The following AKAP10 variants were observed in gnomAD, a reference collection of about 807,000 sequenced individuals.
AKAP10 encodes the protein A-kinase anchoring protein 10, also known as A-kinase anchor protein 10, mitochondrial.
Under a neutral mutation model 80.8 loss-of-function variants are expected in AKAP10, and 24 were observed. The ratio of observed to expected loss-of-function variants is 0.30; its 90% CI spans 0.22 to 0.42. The LOEUF is 0.42. Among genes scored for constraint, AKAP10 ranks in the 10% least tolerant of loss-of-function variants. The pLI, the probability that AKAP10 is intolerant of heterozygous loss-of-function variation, is 1.00. For missense variants in AKAP10, 661 were observed against 794.9 expected (o/e 0.83, Z 2.03); for synonymous variants, 291 against 277.7 (o/e 1.05, Z -0.48).
chr17:19,939,909 C>A, intron 7 of AKAP10, 60 bp from the exon 8 acceptor site: 4 of 1,536,738 alleles, frequency 2.6e-6, no homozygotes, highest in Non-Finnish European at 3.5e-6. Flanking sequence ...CTCACAATCT[C>A]TAATCTATAA....
chr17:19,926,325 G>A (rs1003259790), intron 10 of AKAP10, among the ~76,000 whole-genome samples: 4 of 148,968 alleles, frequency 2.7e-5, no homozygotes, highest in African/African-American at 9.8e-5. Context: ...GGAAATTCCT[G>A]AATCTGAAAA....
At chr17:19,924,090 T>TA (rs2042848145) in intron 11 of AKAP10, among the ~76,000 whole-genome samples, 1 of 152,224 alleles carries the variant, frequency 6.6e-6, no homozygotes. Context: ...CTCAAAGGAA[T>TA]ACTTTTTCCA....
intron 4 of AKAP10, among the ~76,000 whole-genome samples, chr17:19,955,538 A>T (rs2043265730): frequency 6.6e-6 from 1 of 152,240 alleles, no homozygotes; most frequent in Admixed American, 6.5e-5. Flanking sequence ...TAAAGCAAAG[A>T]CAGTTTCTAA....
At chr17:19,948,472 C>T (rs1179895942) in intron 4 of AKAP10, among the ~76,000 whole-genome samples, 1 of 152,078 alleles carries the variant, frequency 6.6e-6, no homozygotes, top group Admixed American at 6.6e-5. Context: ...GACTCCCAGG[C>T]AGCATCAGAG....
intron 14 of AKAP10, among the ~76,000 whole-genome samples, chr17:19,907,640 G>A (rs1191283680): frequency 6.6e-6 from 1 of 151,868 alleles, no homozygotes; most frequent in Non-Finnish European, 1.5e-5. Flanking sequence ...AGCTGGTCTT[G>A]AACTCCTACC....
chr17:19,922,795 G>A (rs1215922990), intron 11 of AKAP10, among the ~76,000 whole-genome samples: 1 of 152,182 alleles, frequency 6.6e-6, no homozygotes, highest in Non-Finnish European at 1.5e-5. Flanking sequence ...AGCTACTTGG[G>A]AGGATGAGGC....
intron 4 of AKAP10, among the ~76,000 whole-genome samples, chr17:19,955,787 A>C (rs2043268546): frequency 6.6e-6 from 1 of 152,124 alleles, no homozygotes; most frequent in African/African-American, 2.4e-5. Flanking sequence ...GTGAGCTGAG[A>C]GTACGTCATT....
chr17:19,922,028 G>T (rs1461818872), intron 11 of AKAP10, among the ~76,000 whole-genome samples: 2 of 152,154 alleles, frequency 1.3e-5, no homozygotes, highest in Non-Finnish European at 2.9e-5. Flanking sequence ...CATACCATAA[G>T]AATGATTACT....
chr17:19,909,780 C>T, intron 13 of AKAP10, 146 bp downstream of exon 13: 1 of 671,428 alleles, frequency 1.5e-6, no homozygotes, highest in Non-Finnish European at 2.5e-6. Context: ...AGGGACCACC[C>T]TTTCTTGGTA....
chr17:19,914,744 TA>T (rs1176502588), intron 12 of AKAP10, among the ~76,000 whole-genome samples: 2 of 150,796 alleles, frequency 1.3e-5, no homozygotes, highest in African/African-American at 4.9e-5. Flanking sequence ...TCTGAAGAGA[TA>T]ATATTGAGAT....
intron 9 of AKAP10, 22 bp from the exon 10 acceptor site, chr17:19,932,000 ATTTT>A (rs2042939451): frequency 8.8e-6 from 14 of 1,588,746 alleles, no homozygotes; most frequent in Non-Finnish European, 1.1e-5. Flanking sequence ...GAAAAGCATT[ATTTT>A]AAAGTTGAAA....
At chr17:19,908,063 C>A (rs1052619461) in intron 14 of AKAP10, among the ~76,000 whole-genome samples, 1 of 151,636 alleles carries the variant, frequency 6.6e-6, no homozygotes, top group African/African-American at 2.4e-5. Flanking sequence ...CGGGGTTGCA[C>A]CATGTTAGCC....
intron 4 of AKAP10, among the ~76,000 whole-genome samples, chr17:19,949,396 A>G (rs999705378): frequency 1.2e-4 from 18 of 152,158 alleles, no homozygotes; most frequent in African/African-American, 4.3e-4. Context: ...AGCCTCAGGA[A>G]CCTGCCAAAC....
chr17:19,927,991 AG>A (rs2042892711), intron 10 of AKAP10, among the ~76,000 whole-genome samples: 1 of 152,032 alleles, frequency 6.6e-6, no homozygotes, highest in Admixed American at 6.6e-5. Context: ...AAGCCTAGGC[AG>A]GCAGATCACC....
chr17:19,920,315 C>T (rs956469658), intron 11 of AKAP10, among the ~76,000 whole-genome samples, 197 bp from the exon 12 acceptor site: 3 of 152,106 alleles, frequency 2.0e-5, no homozygotes, highest in Non-Finnish European at 1.5e-5. Flanking sequence ...TAATTGAGTG[C>T]AATTCCATTC....
intron 4 of AKAP10, among the ~76,000 whole-genome samples, chr17:19,950,041 G>A (rs559317520): frequency 2.0e-5 from 3 of 152,142 alleles, no homozygotes; most frequent in East Asian, 3.9e-4. Flanking sequence ...GGTGGCTCAC[G>A]CCTGTAATCC....
chr17:19,975,635 G>C (rs11651339), intron 1 of AKAP10, among the ~76,000 whole-genome samples: 3 of 152,138 alleles, frequency 2.0e-5, no homozygotes, highest in Non-Finnish European at 2.9e-5. Context: ...TACATGGAGC[G>C]AAAGGGAGAA....
rs1193395696 is a variant in AKAP10, at chr17:19,939,002, G to A, written c.1322+711C>T. Among the ~76,000 whole-genome samples, 4 of 152,266 alleles carry A rather than the reference G, an allele frequency of 2.6e-5. No homozygotes were observed. The East Asian group carries it at 7.7e-4, about 29-fold the overall frequency. ...CTGCCTCTGCCTCTCAAAGTGTTGT[G>A]ATTACAGGAGTGAGCCACCGTGCCC... On this transcript the variant is annotated intron_variant, in intron 8 of 14. Transcript: ENST00000225737.
At chr17:19,951,759 G>C (rs1044605064) in intron 4 of AKAP10, among the ~76,000 whole-genome samples, 1 of 152,058 alleles carries the variant, frequency 6.6e-6, no homozygotes, top group Non-Finnish European at 1.5e-5. Flanking sequence ...AAACACTGCA[G>C]AAGGCCGCAG....
Sources: gnomAD v4.1 joint callset for allele counts (sites outside exome capture counted in the v4.1 genomes callset) on GRCh38, gnomAD v4.1.1 for gene constraint, MANE v1.5 for transcripts, NCBI Gene and HGNC (gene_info 2026-07-23, HGNC 2026-07-21) for gene names.